USH2A: variants seen among roughly 807,000 people sequenced by gnomAD.
USH2A encodes the protein usherin.
A neutral mutation model predicts 538.9 loss-of-function variants in USH2A; 443 were observed. That is an observed-to-expected ratio of 0.82 (90% CI 0.76 to 0.89). The LOEUF (loss-of-function observed/expected upper bound fraction) is 0.89, where lower values mean the gene tolerates loss of function less well. Ranked by LOEUF, USH2A falls within the 40% of genes least tolerant of loss-of-function variation. The pLI is 0.00. For missense variants in USH2A, 6,633 were observed against 6,324.8 expected (o/e 1.05, Z -1.65); for synonymous variants, 2,413 against 2,273.5 (o/e 1.06, Z -1.75).
At chr1:215,929,879 TTTTC>T (rs1367985264) in intron 38 of USH2A, among the ~76,000 whole-genome samples, 19 of 152,116 alleles carry the variant, frequency 1.2e-4, no homozygotes, top group South Asian at 4.1e-4. Context: ...TTCCTAATGG[TTTTC>T]TTTCTTTCTT....
chr1:216,334,262 G>C (rs574238883), intron 4 of USH2A, among the ~76,000 whole-genome samples: 24 of 151,924 alleles, frequency 1.6e-4, no homozygotes, highest in African/African-American at 5.8e-4. Flanking sequence ...TTAAAATTAA[G>C]TTGGTATTAA....
intron 19 of USH2A, chr1:216,196,024 T>C (rs2034834159): frequency 5.8e-6 from 1 of 171,996 alleles, no homozygotes; most frequent in Non-Finnish European, 1.4e-5. Flanking sequence ...GATGAATTAC[T>C]AGAAGGCAAT....
rs2038884921 is a variant in USH2A at position 216,378,951 on chromosome 1, G to A, written c.652-13866C>T. On this transcript the variant is annotated intron_variant, in intron 3 of 71. Transcript: ENST00000307340. ...GATGTGTTTCTATTCACCCTAGATT[G>A]GATTTGATAATTGTGGGGCAAAGGC... 2.0e-5 allele frequency among the ~76,000 whole-genome samples: 3 copies of A among 152,014 alleles called. No homozygotes were observed. The South Asian group carries it at 6.2e-4, about 32-fold the overall frequency.
chr1:215,870,972 C>T (rs1304060514), intron 43 of USH2A, among the ~76,000 whole-genome samples: 1 of 152,130 alleles, frequency 6.6e-6, no homozygotes, highest in Non-Finnish European at 1.5e-5. Context: ...GTTCTCTAGG[C>T]ATGTCTTGAA....
intron 38 of USH2A, among the ~76,000 whole-genome samples, chr1:215,916,276 T>G (rs1665951655): frequency 6.6e-6 from 1 of 152,068 alleles, no homozygotes; most frequent in Non-Finnish European, 1.5e-5. Flanking sequence ...TTCTCAAGGT[T>G]GTCACTAGTG....
At chr1:216,383,920 T>C (rs1239098953) in intron 3 of USH2A, among the ~76,000 whole-genome samples, 1 of 150,648 alleles carries the variant, frequency 6.6e-6, no homozygotes, top group Non-Finnish European at 1.5e-5. Flanking sequence ...AACCTGGCCT[T>C]GAAATCCTGG....
intron 47 of USH2A, among the ~76,000 whole-genome samples, chr1:215,820,491 A>C (rs943269659): frequency 3.3e-5 from 5 of 151,732 alleles, no homozygotes; most frequent in Admixed American, 2.0e-4. Context: ...TTCAGGGTCC[A>C]TGTGAGAATT....
chr1:216,263,653 C>A (rs1329185644), intron 11 of USH2A, among the ~76,000 whole-genome samples: 1 of 152,056 alleles, frequency 6.6e-6, no homozygotes, highest in Admixed American at 6.6e-5. Flanking sequence ...AAACCTACAA[C>A]CAACATCTTA....
intron 32 of USH2A, among the ~76,000 whole-genome samples, chr1:216,026,711 C>T (rs1668974894): frequency 6.6e-6 from 1 of 152,130 alleles, no homozygotes. Context: ...TTCCTGCCCT[C>T]AAAGTACTCA....
intron 32 of USH2A, among the ~76,000 whole-genome samples, chr1:216,013,696 C>T (rs1459648976): frequency 9.1e-6 from 1 of 109,972 alleles, no homozygotes; most frequent in Non-Finnish European, 2.0e-5. Context: ...AGAGAACAAC[C>T]CCCCTTTGAC....
chr1:216,322,047 C>T (rs1482814346), intron 8 of USH2A, 71 bp from the exon 9 acceptor site: 19 of 1,409,678 alleles, frequency 1.3e-5, no homozygotes, highest in East Asian at 2.3e-5. Context: ...GGTCCTAGGA[C>T]TATATGCATT....
chr1:215,698,948 T>C (rs1343862912), intron 61 of USH2A, among the ~76,000 whole-genome samples: 1 of 152,230 alleles, frequency 6.6e-6, no homozygotes, highest in Non-Finnish European at 1.5e-5. Flanking sequence ...AGGGTTTTTA[T>C]GGTTTTAGGT....
At chr1:216,419,495 T>C (rs530331838) in intron 2 of USH2A, among the ~76,000 whole-genome samples, 1 of 152,200 alleles carries the variant, frequency 6.6e-6, no homozygotes, top group East Asian at 1.9e-4. Flanking sequence ...TACCTCCTAC[T>C]TAGCTTTGGT....
intron 20 of USH2A, among the ~76,000 whole-genome samples, chr1:216,179,445 G>C (rs1349857021): frequency 6.6e-6 from 1 of 152,060 alleles, no homozygotes; most frequent in African/African-American, 2.4e-5. Context: ...CAATGGGACT[G>C]TCCTTTAGAA....
At chr1:215,807,035 C>A (rs768389113) in intron 49 of USH2A, among the ~76,000 whole-genome samples, 11 of 152,112 alleles carry the variant, frequency 7.2e-5, no homozygotes, top group Non-Finnish European at 1.0e-4. Context: ...ATCCCTGGAA[C>A]CTGTGACTAT....
At chr1:215,754,795 T>C (rs1413501637) in intron 58 of USH2A, among the ~76,000 whole-genome samples, 1 of 152,244 alleles carries the variant, frequency 6.6e-6, no homozygotes, top group Non-Finnish European at 1.5e-5. Flanking sequence ...ACTGGCGGAC[T>C]CATGTTTTCA....
intron 4 of USH2A, among the ~76,000 whole-genome samples, chr1:216,355,169 G>T (rs1286562812): frequency 1.3e-5 from 2 of 151,792 alleles, no homozygotes; most frequent in Non-Finnish European, 2.9e-5. Context: ...TTGGCATGGT[G>T]GCATACACCT....
At chr1:215,804,968 G>A (rs1256130040) in intron 49 of USH2A, among the ~76,000 whole-genome samples, 1 of 152,122 alleles carries the variant, frequency 6.6e-6, no homozygotes, top group Admixed American at 6.5e-5. Flanking sequence ...AAAATGATGA[G>A]TTCATGTTCT....
At chr1:216,150,310 A>T (rs1217247019) in intron 21 of USH2A, among the ~76,000 whole-genome samples, 4 of 151,996 alleles carry the variant, frequency 2.6e-5, no homozygotes, top group Admixed American at 6.6e-5. Flanking sequence ...TTTGCTGGCA[A>T]GGCACCCTCC....
Sources: gnomAD v4.1 joint callset for allele counts (sites outside exome capture counted in the v4.1 genomes callset) on GRCh38, gnomAD v4.1.1 for gene constraint, MANE v1.5 for transcripts, NCBI Gene and HGNC (gene_info 2026-07-23, HGNC 2026-07-21) for gene names.